Variants in TEAD1 observed in about 807,000 individuals in gnomAD.
The protein encoded by TEAD1 is TEA domain transcription factor 1, also known as transcriptional enhancer factor TEF-1.
Under a neutral mutation model 54.9 loss-of-function variants are expected in TEAD1, and 9 were observed. The observed-to-expected ratio is 0.16, with a 90% CI of 0.10 to 0.29. The LOEUF is 0.29. Ranked by LOEUF, TEAD1 falls within the 10% of genes least tolerant of loss-of-function variation. TEAD1 has a pLI of 1.00. For synonymous variants in TEAD1, 200 were observed against 187.8 expected, an observed-to-expected ratio of 1.07 and a Z score of -0.53; for missense variants, 387 against 535.9, an observed-to-expected ratio of 0.72 and a Z score of 2.74.
rs966711343 is a variant in TEAD1, at chr11:12,943,697, C to G, written c.*6475C>G. ...GAGATTTTTTTTCTCCTTCCCCTTT[C>G]TTTAAGAGAGGCTGACAGATCTAGG... is the stretch of plus-strand genomic sequence containing the variant. On this transcript the variant is annotated 3_prime_UTR_variant, in exon 13 of 13. Coordinates refer to ENST00000527636, the MANE Select transcript of TEAD1 (RefSeq NM_021961.6). The G allele has an allele frequency of 5.3e-5, 8 of 152,034 alleles. No individual in the cohort carries two copies. Among genetic ancestry groups the G allele is most frequent in the African/African-American group, 1.7e-4 (7 of 41,382 alleles). The allele number at this position is 152,034 out of a possible 1,614,324, so 9.4% of individuals were successfully genotyped here. A position where few individuals can be genotyped will look rare whatever the true frequency, so the allele number is the denominator to read the frequency against.
In TEAD1 at chr11:12,943,722, G is replaced by T. The variant is rs1949181673; in HGVS notation, c.*6500G>T. 6.6e-6 allele frequency: 1 copy of T among 151,752 alleles called. No individual in the cohort carries two copies. Among genetic ancestry groups the T allele is most frequent in the African/African-American group, 2.4e-5 (1 of 41,296 alleles). The allele number at this position is 151,752 out of a possible 1,614,324, so 9.4% of individuals were successfully genotyped here. A position where few individuals can be genotyped will look rare whatever the true frequency, so the allele number is the denominator to read the frequency against. ...CTTTAAGAGAGGCTGACAGATCTAG[G>T]TGTCAATCAATTGGAAACCAGTCTC... On this transcript the variant is annotated 3_prime_UTR_variant, in exon 13 of 13. Transcript: ENST00000527636.
chr11:12,864,700 A>G, intron 4 of TEAD1, 138 bp from the exon 5 acceptor site: 1 of 1,579,384 alleles, frequency 6.3e-7, no homozygotes, highest in Non-Finnish European at 8.6e-7. Context: ...CTAGTCATAT[A>G]CAGGTCTTAG....
At chr11:12,677,169 C>A (rs1235195352) in intron 2 of TEAD1, among the ~76,000 whole-genome samples, 2 of 151,636 alleles carry the variant, frequency 1.3e-5, no homozygotes, top group Non-Finnish European at 1.5e-5. Flanking sequence ...TTTTTCTTTT[C>A]TTTTCCCAAA....
intron 2 of TEAD1, among the ~76,000 whole-genome samples, chr11:12,705,461 C>A (rs1194914973): frequency 6.6e-6 from 1 of 152,162 alleles, no homozygotes; most frequent in Non-Finnish European, 1.5e-5. Flanking sequence ...TTGCTCTTAC[C>A]ATCCACCTTG....
intron 3 of TEAD1, among the ~76,000 whole-genome samples, chr11:12,785,555 A>G (rs960630662): frequency 1.3e-5 from 2 of 152,220 alleles, no homozygotes; most frequent in East Asian, 3.8e-4. Context: ...GCAAACCAGG[A>G]TATATAATCT....
intron 2 of TEAD1, among the ~76,000 whole-genome samples, chr11:12,693,152 G>T (rs1943498652): frequency 6.6e-6 from 1 of 152,216 alleles, no homozygotes; most frequent in Admixed American, 6.5e-5. Context: ...GCAGCCAGAG[G>T]TGCGAGCCCC....
intron 3 of TEAD1, among the ~76,000 whole-genome samples, chr11:12,806,232 G>T (rs1163340081): frequency 1.3e-5 from 2 of 152,134 alleles, no homozygotes; most frequent in Non-Finnish European, 2.9e-5. Context: ...TCCCACTCCA[G>T]CTGTATGTTG....
rs993059559 is a variant in TEAD1, at chr11:12,942,056, C to T, written c.*4834C>T. The T allele has an allele frequency of 6.6e-6, 1 of 152,614 alleles. No homozygotes were observed. Among genetic ancestry groups the T allele is most frequent in the Non-Finnish European group, 1.5e-5 (1 of 68,036 alleles). 9.5% of individuals were successfully genotyped at this position (152,614 alleles called of 1,614,324 possible). A position where few individuals can be genotyped will look rare whatever the true frequency, so the allele number is the denominator to read the frequency against. ...TGACTGCTTGGTGTAAAATCCGAAA[C>T]TGGACACAAGTCAGTTCTTTCACCA... On this transcript the variant is annotated 3_prime_UTR_variant, in exon 13 of 13. Coordinates refer to ENST00000527636, the MANE Select transcript of TEAD1 (RefSeq NM_021961.6).
At chr11:12,826,695 T>G (rs1946664236) in intron 3 of TEAD1, among the ~76,000 whole-genome samples, 1 of 152,218 alleles carries the variant, frequency 6.6e-6, no homozygotes, top group South Asian at 2.1e-4. Flanking sequence ...ATTCCTTTTC[T>G]CTTAGTGTTG....
intron 10 of TEAD1, among the ~76,000 whole-genome samples, chr11:12,915,981 A>T (rs1948705136): frequency 6.6e-6 from 1 of 152,306 alleles, no homozygotes; most frequent in East Asian, 1.9e-4. Flanking sequence ...ATGATTTGGG[A>T]AAGAATTTGG....
At chr11:12,878,298 C>T (rs1947897481) in intron 5 of TEAD1, among the ~76,000 whole-genome samples, 1 of 152,076 alleles carries the variant, frequency 6.6e-6, no homozygotes, top group Admixed American at 6.6e-5. Flanking sequence ...TTTGGCCTTG[C>T]TTTTGATGCC....
chr11:12,729,061 A>AT (rs1944370036), intron 2 of TEAD1, among the ~76,000 whole-genome samples: 1 of 152,160 alleles, frequency 6.6e-6, no homozygotes, highest in Non-Finnish European at 1.5e-5. Flanking sequence ...GATTCTCTCT[A>AT]ATATTAGAGG....
At chr11:12,788,649 G>T (rs1385551455) in intron 3 of TEAD1, among the ~76,000 whole-genome samples, 2 of 152,208 alleles carry the variant, frequency 1.3e-5, no homozygotes, top group African/African-American at 4.8e-5. Context: ...CATGTAAGAC[G>T]TGGTCCATAT....
chr11:12,903,140 C>T (rs1167049295), intron 10 of TEAD1, among the ~76,000 whole-genome samples: 1 of 152,114 alleles, frequency 6.6e-6, no homozygotes, highest in East Asian at 1.9e-4. Flanking sequence ...TCATTTCATC[C>T]TCCACGTTTT....
chr11:12,827,177 A>T (rs999195170), intron 3 of TEAD1, among the ~76,000 whole-genome samples: 1 of 152,258 alleles, frequency 6.6e-6, no homozygotes, highest in African/African-American at 2.4e-5. Context: ...AATTATCAGC[A>T]GTGGACTATG....
intron 2 of TEAD1, among the ~76,000 whole-genome samples, chr11:12,684,721 G>A (rs1943297886): frequency 6.6e-6 from 1 of 152,130 alleles, no homozygotes; most frequent in Non-Finnish European, 1.5e-5. Flanking sequence ...TGTAGGTGTG[G>A]CTGCTGTTAA....
chr11:12,837,134 A>G (rs897829577), intron 3 of TEAD1, among the ~76,000 whole-genome samples: 1 of 152,174 alleles, frequency 6.6e-6, no homozygotes, highest in East Asian at 1.9e-4. Context: ...TAATGTCCAA[A>G]AGTTTATGCT....
intron 2 of TEAD1, among the ~76,000 whole-genome samples, chr11:12,700,769 T>G (rs1214081932): frequency 3.3e-5 from 5 of 152,216 alleles, no homozygotes; most frequent in African/African-American, 1.2e-4. Context: ...TGGTGTAAAA[T>G]GAAACTCCCC....
chr11:12,805,386 C>A (rs1946148627), intron 3 of TEAD1, among the ~76,000 whole-genome samples: 1 of 152,176 alleles, frequency 6.6e-6, no homozygotes, highest in Non-Finnish European at 1.5e-5. Context: ...TGCAGGAAGT[C>A]TTCAGAATCA....
Sources: allele counts gnomAD v4.1 joint callset (sites outside exome capture counted in the v4.1 genomes callset), GRCh38; gene constraint gnomAD v4.1.1; transcripts MANE v1.5; gene names NCBI Gene and HGNC (gene_info 2026-07-23, HGNC 2026-07-21).